Variants in MGAM2 observed in about 807,000 individuals in gnomAD.
MGAM2 encodes probable maltase-glucoamylase 2.
In MGAM2, 98 loss-of-function variants were observed where a neutral mutation model predicts 96.1. The ratio of observed to expected loss-of-function variants is 1.02; its 90% CI spans 0.87 to 1.21. The LOEUF is 1.21. Ranked by LOEUF, MGAM2 falls within the 50% of genes most tolerant of loss-of-function variation. The pLI, the probability that MGAM2 is intolerant of heterozygous loss-of-function variation, is 0.00. For missense variants in MGAM2, 2,055 were observed against 1,182.4 expected (o/e 1.74, Z -10.82); for synonymous variants, 749 against 414.8 (o/e 1.81, Z -9.79).
chr7:142,221,539 T>C lies in MGAM2; in HGVS notation c.7028T>C (p.Phe2343Ser). 1 of 541,116 alleles carries C rather than the reference T, an allele frequency of 1.8e-6. No individual in the cohort carries two copies. The highest frequency in any genetic ancestry group is 3.2e-6 in the Non-Finnish European group (1 of 309,254). 33.5% of individuals were successfully genotyped at this position (541,116 alleles called of 1,614,324 possible). Residue 2343 changes from phenylalanine to serine, a missense_variant, in exon 48 of 48, where the codon TTC becomes TCC. Phe to Ser is a radical substitution (Grantham distance 155, BLOSUM62 -2). Transcript: ENST00000477922. ...CCTACAAATGCAAACACCATTATTT[T>C]CAACACTCTTGATACAAAAAGTACC... ...TTPTNANTII[F>S]NTLDTKSTMV...
intron 34 of MGAM2, among the ~76,000 whole-genome samples, chr7:142,185,455 C>T (rs1390833082): frequency 2.0e-5 from 3 of 152,084 alleles, no homozygotes; most frequent in Non-Finnish European, 4.4e-5. Flanking sequence ...AGAGGGGAAT[C>T]CATTATGAAC....
chr7:142,143,804 C>T lies in MGAM2; in HGVS notation c.1353C>T (p.Thr451=), dbSNP rs201051672. Reference sequence around the variant, plus strand: ...GACCGACAGTCTTTCCCGATTATACCAATCCAGTATGCACTGAGTGGTGGA... The same window carrying T: ...GACCGACAGTCTTTCCCGATTATACTAATCCAGTATGCACTGAGTGGTGGA... ...YPGPTVFPDY[T]NPVCTEWWTD... is the part of the protein sequence containing the mutation. Residue 451 remains threonine, a synonymous_variant, in exon 13 of 48, where the codon ACC becomes ACT. Transcript: ENST00000477922. The T allele has an allele frequency of 8.8e-4, 614 of 694,646 alleles. 1 individual carries two copies. The highest frequency in any genetic ancestry group is 1.4e-3 in the Non-Finnish European group (538 of 379,920). 43.0% of individuals were successfully genotyped at this position (694,646 alleles called of 1,614,324 possible).
chr7:142,118,946 T>A (rs1396138721), intron 2 of MGAM2, among the ~76,000 whole-genome samples: 1 of 152,110 alleles, frequency 6.6e-6, no homozygotes, highest in Non-Finnish European at 1.5e-5. Flanking sequence ...GTTTCTTAGA[T>A]GATACCCAAA....
chr7:142,218,190 G>A (rs1485669052), intron 46 of MGAM2, among the ~76,000 whole-genome samples, 171 bp from the exon 47 acceptor site: 1 of 152,018 alleles, frequency 6.6e-6, no homozygotes, highest in Admixed American at 6.6e-5. Context: ...AATATCACAT[G>A]TTCTCCATAA....
intron 42 of MGAM2, 75 bp downstream of exon 42, chr7:142,197,803 A>G (rs1214724138): frequency 7.1e-6 from 5 of 699,322 alleles, no homozygotes; most frequent in Non-Finnish European, 1.3e-5. Context: ...TTTAAAGATC[A>G]TCTTATTTTG....
At chr7:142,187,332 CCA>C (rs1430688073) in intron 35 of MGAM2, among the ~76,000 whole-genome samples, 1 of 152,216 alleles carries the variant, frequency 6.6e-6, no homozygotes, top group Non-Finnish European at 1.5e-5. Flanking sequence ...TAACCTCTGG[CCA>C]TAGACTAAAA....
intron 37 of MGAM2, among the ~76,000 whole-genome samples, chr7:142,194,078 G>A (rs1796952333): frequency 1.3e-5 from 2 of 150,668 alleles, no homozygotes; most frequent in African/African-American, 2.4e-5. Flanking sequence ...TGTCACCCAG[G>A]CTGGAGTGCA....
At chr7:142,207,349 G>C (rs914598662) in intron 45 of MGAM2, among the ~76,000 whole-genome samples, 2 of 152,184 alleles carry the variant, frequency 1.3e-5, no homozygotes, top group Non-Finnish European at 2.9e-5. Context: ...GAGTTTAGGA[G>C]ATGTAAGATT....
intron 15 of MGAM2, among the ~76,000 whole-genome samples, chr7:142,149,210 C>A (rs1351862967): frequency 6.7e-6 from 1 of 149,230 alleles, no homozygotes; most frequent in Non-Finnish European, 1.5e-5. Flanking sequence ...GCCTGGGCAA[C>A]AAGAGTGAAA....
rs977017114 is a variant in MGAM2, at chr7:142,167,378, G to C, written c.2919G>C (p.Pro973=). 3 of 702,668 alleles carry C rather than the reference G, an allele frequency of 4.3e-6. No homozygotes were observed. The highest frequency in any genetic ancestry group is 1.7e-5 in the African/African-American group (1 of 57,172). The allele number at this position is 702,668 out of a possible 1,614,324, so 43.5% of individuals were successfully genotyped here. A position where few individuals can be genotyped will look rare whatever the true frequency, so the allele number is the denominator to read the frequency against. Residue 973 remains proline, a synonymous_variant, in exon 26 of 48, where the codon CCG becomes CCC. Coordinates refer to ENST00000477922, the MANE Select transcript of MGAM2 (RefSeq NM_001293626.2). ...GCATCACTGCAGACCTTTCCCTCCC[G>C]ATGGCCCCTGAGTCAGCTGCTGCTG... ...NTSITADLSL[P]MAPESAAAAA...
intron 45 of MGAM2, among the ~76,000 whole-genome samples, chr7:142,201,071 C>CTTTTTTTTTTTTTTTTTTTTT (rs72092512): frequency 9.5e-5 from 8 of 84,364 alleles, no homozygotes; most frequent in African/African-American, 1.6e-4. Context: ...CATCCTTTTT[C>CTTTTTTTTTTTTTTTTTTTTT]TTTTTTTTTT....
In MGAM2 at chr7:142,220,142, T is replaced by C. The variant is rs1797875117; in HGVS notation, c.5631T>C (p.Val1877=). ...CTAGTGTTACAACTAATACTACTGT[T>C]CCTGATACAACTTCTCCTTTCCCTA... is the stretch of plus-strand genomic sequence containing the variant. ...STTSVTTNTT[V]PDTTSPFPTS... is the part of the protein sequence containing the mutation. The change falls in exon 48 of 48, where the codon GTT becomes GTC. Residue 1877 remains valine (V), a synonymous_variant. Transcript: ENST00000477922. The C allele has an allele frequency of 1.4e-6, 1 of 702,608 alleles. No individual in the cohort carries two copies. The highest frequency in any genetic ancestry group is 2.6e-6 in the Non-Finnish European group (1 of 384,900). 43.5% of individuals were successfully genotyped at this position (702,608 alleles called of 1,614,324 possible).
intron 32 of MGAM2, among the ~76,000 whole-genome samples, chr7:142,179,028 C>T (rs1051744418): frequency 2.0e-5 from 3 of 151,860 alleles, no homozygotes; most frequent in Non-Finnish European, 2.9e-5. Context: ...CTGTTGTTGT[C>T]GTAAATGGGA....
chr7:142,158,779 A>T (rs1257779605), intron 19 of MGAM2, among the ~76,000 whole-genome samples: 1 of 152,144 alleles, frequency 6.6e-6, no homozygotes, highest in Non-Finnish European at 1.5e-5. Context: ...ACTATGAAGG[A>T]CCATGTGTAT....
Position 142,129,825 on chromosome 7 carries a change from C to CAAAAAAAAAAAAAAAAAAAAAAAAA in MGAM2, c.187-1107_187-1083dup, listed in dbSNP as rs71166564. Among the ~76,000 whole-genome samples the CAAAAAAAAAAAAAAAAAAAAAAAAA allele has an allele frequency of 3.6e-4, 12 of 33,418 alleles. 2 individuals carry two copies. Among genetic ancestry groups the CAAAAAAAAAAAAAAAAAAAAAAAAA allele is most frequent in the African/African-American group, 4.3e-4 (3 of 6,932 alleles). The allele number at this position is 33,418 out of a possible 152,430, so 21.9% of individuals were successfully genotyped here. A position where few individuals can be genotyped will look rare whatever the true frequency, so the allele number is the denominator to read the frequency against. On this transcript the variant is annotated intron_variant, in intron 3 of 47. Transcript: ENST00000477922. The stretch of plus-strand genomic sequence containing the variant: ...GGGCAACAAGAACAAAACTCTGTCT[C>CAAAAAAAAAAAAAAAAAAAAAAAAA]AAAAAAAAAAAAAAAAAAAAAAAAA...
intron 46 of MGAM2, among the ~76,000 whole-genome samples, chr7:142,209,430 C>T (rs1251533267): frequency 6.6e-6 from 1 of 152,126 alleles, no homozygotes; most frequent in Non-Finnish European, 1.5e-5. Flanking sequence ...TATTTCATAA[C>T]AGTGATGCAA....
intron 14 of MGAM2, among the ~76,000 whole-genome samples, 180 bp from the exon 15 acceptor site, chr7:142,147,276 G>C (rs1278472282): frequency 1.3e-5 from 2 of 152,180 alleles, no homozygotes; most frequent in Non-Finnish European, 2.9e-5. Context: ...CTCCTTGGAG[G>C]TCTCAATGTT....
At chr7:142,198,029 A>G (rs1490530750) in intron 42 of MGAM2, 110 bp from the exon 43 acceptor site, 10 of 615,210 alleles carry the variant, frequency 1.6e-5, no homozygotes, top group Non-Finnish European at 2.3e-5. Context: ...AAATTATTGC[A>G]ATCACTAATA....
chr7:142,151,589 G>A (rs543423269), intron 15 of MGAM2, among the ~76,000 whole-genome samples: 31 of 152,276 alleles, frequency 2.0e-4, no homozygotes, highest in African/African-American at 7.2e-4. Flanking sequence ...ATCTAAGAAT[G>A]AGAAATGGGA....
Sources: allele counts gnomAD v4.1 joint callset (sites outside exome capture counted in the v4.1 genomes callset), GRCh38; gene constraint gnomAD v4.1.1; transcripts MANE v1.5; gene names NCBI Gene and HGNC (gene_info 2026-07-23, HGNC 2026-07-21).